The following FHIT variants were observed in gnomAD, a reference collection of about 807,000 sequenced individuals.
FHIT encodes the protein bis(5'-adenosyl)-triphosphatase.
In FHIT, 19 loss-of-function variants were observed where a neutral mutation model predicts 17.9. That is an observed-to-expected ratio of 1.06 (90% CI 0.74 to 1.56). FHIT has a LOEUF of 1.56. Among genes scored for constraint, FHIT ranks in the 40% most tolerant of loss-of-function variants. FHIT has a pLI of 0.00. For synonymous variants in FHIT, 81 were observed against 69.7 expected (o/e 1.16, Z -0.81); for missense variants, 248 against 189.2 (o/e 1.31, Z -1.82).
intron 4 of FHIT, among the ~76,000 whole-genome samples, chr3:60,557,990 G>A (rs1281341990): frequency 6.6e-6 from 1 of 152,012 alleles, no homozygotes; most frequent in Admixed American, 6.5e-5. Flanking sequence ...GCAACAAATA[G>A]AATTTTTTAA....
chr3:60,718,026 A>T (rs1231108190), intron 4 of FHIT, among the ~76,000 whole-genome samples: 4 of 152,140 alleles, frequency 2.6e-5, no homozygotes, highest in Admixed American at 2.6e-4. Context: ...TTCTGTTGTT[A>T]TATTTGTTTT....
At chr3:60,541,957 T>G (rs1283000050) in intron 4 of FHIT, among the ~76,000 whole-genome samples, 2 of 152,228 alleles carry the variant, frequency 1.3e-5, no homozygotes, top group Non-Finnish European at 2.9e-5. Context: ...ATCATTTTCC[T>G]TTTTGTCCTC....
chr3:61,186,582 T>C (rs1177007595), intron 2 of FHIT, among the ~76,000 whole-genome samples: 1 of 152,186 alleles, frequency 6.6e-6, no homozygotes, highest in Non-Finnish European at 1.5e-5. Context: ...TCCTGCTCTT[T>C]AGGATGGGAT....
chr3:60,464,132 C>A (rs1283659488), intron 5 of FHIT, among the ~76,000 whole-genome samples: 1 of 152,078 alleles, frequency 6.6e-6, no homozygotes, highest in Non-Finnish European at 1.5e-5. Context: ...GAACTGAGTT[C>A]ACTAAAAGAT....
chr3:60,508,370 A>G (rs1162546565), intron 5 of FHIT, among the ~76,000 whole-genome samples: 2 of 152,218 alleles, frequency 1.3e-5, no homozygotes, highest in African/African-American at 2.4e-5. Context: ...GACTTAATTT[A>G]TCAATTAGGT....
intron 4 of FHIT, among the ~76,000 whole-genome samples, chr3:60,731,211 T>C (rs1303473702): frequency 6.6e-6 from 1 of 152,072 alleles, no homozygotes; most frequent in African/African-American, 2.4e-5. Context: ...GAGTCATGCG[T>C]CATCAAAGAA....
chr3:61,098,356 G>A (rs930518981), intron 2 of FHIT, among the ~76,000 whole-genome samples: 7 of 152,100 alleles, frequency 4.6e-5, no homozygotes, highest in Non-Finnish European at 8.8e-5. Flanking sequence ...CTGTAGCCTC[G>A]TAGTACAGTT....
At chr3:60,347,844 C>T (rs925202136) in intron 5 of FHIT, among the ~76,000 whole-genome samples, 10 of 152,032 alleles carry the variant, frequency 6.6e-5, no homozygotes, top group African/African-American at 2.4e-4. Context: ...CTGCAACCTC[C>T]CCCTCCTGGG....
chr3:60,277,513 T>TAG (rs1559782451), intron 5 of FHIT, among the ~76,000 whole-genome samples: 1 of 152,148 alleles, frequency 6.6e-6, no homozygotes, highest in Non-Finnish European at 1.5e-5. Flanking sequence ...CAGCCACATG[T>TAG]AGAGTAACGA....
At chr3:60,640,122 G>C (rs1427525461) in intron 4 of FHIT, among the ~76,000 whole-genome samples, 2 of 152,174 alleles carry the variant, frequency 1.3e-5, no homozygotes, top group South Asian at 4.1e-4. Context: ...TTGCCTGAGA[G>C]CTGGGAGTGA....
intron 5 of FHIT, among the ~76,000 whole-genome samples, chr3:60,204,983 C>T (rs944689808): frequency 6.6e-6 from 1 of 151,806 alleles, no homozygotes; most frequent in Admixed American, 6.6e-5. Context: ...GTAGTGTCAG[C>T]TACTCAGGAG....
At chr3:60,281,209 G>A (rs557899817) in intron 5 of FHIT, among the ~76,000 whole-genome samples, 238 of 152,012 alleles carry the variant, frequency 1.6e-3, no homozygotes, top group Non-Finnish European at 2.2e-3. Flanking sequence ...CTAAATAAAC[G>A]AATAGATATT....
intron 8 of FHIT, among the ~76,000 whole-genome samples, chr3:59,829,399 G>A (rs986530969): frequency 2.0e-5 from 3 of 152,178 alleles, no homozygotes; most frequent in Non-Finnish European, 4.4e-5. Flanking sequence ...CCAGCAGTAG[G>A]AGGATGTGAG....
At chr3:60,634,935 A>G (rs1225054845) in intron 4 of FHIT, among the ~76,000 whole-genome samples, 1 of 152,138 alleles carries the variant, frequency 6.6e-6, no homozygotes, top group African/African-American at 2.4e-5. Flanking sequence ...CACAGGTACT[A>G]TCCTCAACCC....
At chr3:59,861,588 A>G (rs1337441689) in intron 8 of FHIT, among the ~76,000 whole-genome samples, 5 of 152,214 alleles carry the variant, frequency 3.3e-5, no homozygotes. Flanking sequence ...TTGATAATGC[A>G]CAGATAAGGT....
At chr3:59,780,541 C>T (rs529933297) in intron 8 of FHIT, among the ~76,000 whole-genome samples, 2 of 152,144 alleles carry the variant, frequency 1.3e-5, no homozygotes, top group East Asian at 1.9e-4. Context: ...TGTGTGCCCC[C>T]ACCACTTCCC....
At chr3:60,259,053 TAAAAAA>T (rs373077800) in intron 5 of FHIT, among the ~76,000 whole-genome samples, 1 of 141,366 alleles carries the variant, frequency 7.1e-6, no homozygotes, top group African/African-American at 2.6e-5. Flanking sequence ...CCTATTCAGT[TAAAAAA>T]AAAAAAAAGA....
At chr3:61,143,180 G>C (rs895436871) in intron 2 of FHIT, among the ~76,000 whole-genome samples, 17 of 151,894 alleles carry the variant, frequency 1.1e-4, no homozygotes, top group Non-Finnish European at 5.9e-5. Flanking sequence ...TTATTTAAAA[G>C]AAATGTTTTA....
At chr3:60,983,130 C>T (rs1710562380) in intron 3 of FHIT, among the ~76,000 whole-genome samples, 1 of 122,730 alleles carries the variant, frequency 8.1e-6, no homozygotes, top group South Asian at 2.4e-4. Flanking sequence ...GATTTACCTT[C>T]TCTCTTGTGT....
Sources: allele counts gnomAD v4.1 joint callset (sites outside exome capture counted in the v4.1 genomes callset), GRCh38; gene constraint gnomAD v4.1.1; transcripts MANE v1.5; gene names NCBI Gene and HGNC (gene_info 2026-07-23, HGNC 2026-07-21).